Variants in OR2T6 observed in about 807,000 individuals in gnomAD.
OR2T6 encodes the protein olfactory receptor family 2 subfamily T member 6, also known as olfactory receptor 2T6.
For missense variants in OR2T6, 424 were observed against 391.6 expected, an observed-to-expected ratio of 1.08 and a Z score of -0.70; for synonymous variants, 174 against 148.0, an observed-to-expected ratio of 1.18 and a Z score of -1.27.
At chr1:248,378,976 C>T (rs1660987434) in intron 1 of OR2T6, among the ~76,000 whole-genome samples, 1 of 152,036 alleles carries the variant, frequency 6.6e-6, no homozygotes, top group South Asian at 2.1e-4. Context: ...AGTTCAAGAC[C>T]AGCCTGGACA....
chr1:248,388,582 C>T lies in OR2T6; in HGVS notation c.*47C>T, dbSNP rs28404805. 25,549 of 1,433,184 alleles carry T rather than the reference C, an allele frequency of 0.018. 1,251 individuals are homozygous for T. In the African/African-American group the frequency reaches 0.18, roughly 10 times the overall value. The allele number at this position is 1,433,184 out of a possible 1,614,324, so 88.8% of individuals were successfully genotyped here. A position where few individuals can be genotyped will look rare whatever the true frequency, so the allele number is the denominator to read the frequency against. ...AAAGAATTCTGATGGTCTAAAACCTCCACATCCTGTTCAGGCATATATGGG... is the reference window on the plus strand; with the variant it reads ...AAAGAATTCTGATGGTCTAAAACCTTCACATCCTGTTCAGGCATATATGGG... On this transcript the variant is annotated 3_prime_UTR_variant, in exon 3 of 3. Transcript: ENST00000641644.
intron 2 of OR2T6, among the ~76,000 whole-genome samples, chr1:248,386,582 C>A (rs1346536971): frequency 6.6e-6 from 1 of 152,216 alleles, no homozygotes; most frequent in African/African-American, 2.4e-5. Flanking sequence ...TTACATGTTA[C>A]AAACTGCAAC....
chr1:248,386,735 C>A, intron 2 of OR2T6, among the ~76,000 whole-genome samples: 1 of 152,180 alleles, frequency 6.6e-6, no homozygotes, highest in East Asian at 1.9e-4. Flanking sequence ...CTGACTATCC[C>A]AAACTCCTTT....
At chr1:248,385,997 C>T (rs977880759) in intron 2 of OR2T6, among the ~76,000 whole-genome samples, 7 of 152,142 alleles carry the variant, frequency 4.6e-5, no homozygotes, top group Non-Finnish European at 8.8e-5. Flanking sequence ...CATTAGGGCA[C>T]ATTGCAAATG....
intron 1 of OR2T6, among the ~76,000 whole-genome samples, chr1:248,379,182 A>C (rs1002629520): frequency 1.3e-5 from 2 of 152,196 alleles, no homozygotes; most frequent in African/African-American, 4.8e-5. Context: ...CTCAAAAAGG[A>C]AAAGAAAAAG....
rs775018179 is a variant in OR2T6 at position 248,389,724 on chromosome 1, A to G, written c.*1189A>G. 3 of 152,272 alleles carry G rather than the reference A, an allele frequency of 2.0e-5. No individual in the cohort carries two copies. The highest frequency in any genetic ancestry group is 2.9e-5 in the Non-Finnish European group (2 of 68,050). 9.4% of individuals were successfully genotyped at this position (152,272 alleles called of 1,614,324 possible). ...CTCAAGCCACTCCACAAGTCAGTCA[A>G]TATTGCAAACCATACATAATAGTAT... On this transcript the variant is annotated 3_prime_UTR_variant, in exon 3 of 3. Transcript: ENST00000641644.
At position 248,387,668 on chromosome 1, in the gene OR2T6, C is replaced by G. The variant is rs140922495; in HGVS notation, c.60C>G (p.His20Gln). 2.8e-4 allele frequency: 455 copies of G among 1,613,418 alleles called. 1 individual carries two copies. The highest frequency in any genetic ancestry group is 9.9e-4 in the Middle Eastern group (6 of 6,058). The change falls in exon 3 of 3, where the codon CAC becomes CAG. Residue 20 changes from histidine (H) to glutamine (Q), a missense_variant. His to Gln is a conservative substitution (Grantham distance 24). Transcript: ENST00000641644. ...TTACCCTCATGGGGCTCTTCACTCA[C>G]AATAAATGCTCAGGATTCTTTTTCG... ...RGFTLMGLFT[H>Q]NKCSGFFFGV...
chr1:248,378,881 T>C (rs758828245), intron 1 of OR2T6, among the ~76,000 whole-genome samples: 10 of 152,054 alleles, frequency 6.6e-5, no homozygotes, highest in Non-Finnish European at 1.3e-4. Flanking sequence ...TATATAGAAA[T>C]TTTTTTTGTG....
chr1:248,377,597 G>A (rs535998259), intron 1 of OR2T6, among the ~76,000 whole-genome samples: 9 of 152,348 alleles, frequency 5.9e-5, no homozygotes, highest in South Asian at 2.1e-4. Context: ...GTCAGAGCGC[G>A]TCACAGAAAG....
At chr1:248,381,446 A>G (rs1160112810) in intron 1 of OR2T6, among the ~76,000 whole-genome samples, 1 of 152,108 alleles carries the variant, frequency 6.6e-6, no homozygotes. Context: ...AAAAATGTCT[A>G]GTGAATACTG....
In OR2T6 at chr1:248,388,295, A is replaced by G. The variant is rs1210498839; in HGVS notation, c.687A>G (p.Thr229=). 1.5e-5 allele frequency: 25 copies of G among 1,613,704 alleles called. No individual in the cohort carries two copies. The highest frequency in any genetic ancestry group is 2.7e-5 in the African/African-American group (2 of 74,834). Residue 229 remains threonine (T), a synonymous_variant, in exon 3 of 3, where the codon ACA becomes ACG. Coordinates refer to ENST00000641644, the MANE Select transcript of OR2T6 (RefSeq NM_001005471.2). ...TTCTCATCACAGTGCATCAGATGAC[A>G]TCGGCTGAAGGGAGGAAGAAGGCCT... The part of the protein sequence containing the change: ...TRILITVHQM[T]SAEGRKKAFA...
At chr1:248,380,563 A>T (rs566689979) in intron 1 of OR2T6, among the ~76,000 whole-genome samples, 5 of 152,064 alleles carry the variant, frequency 3.3e-5, no homozygotes, top group Admixed American at 2.6e-4. Flanking sequence ...TTAACATCAC[A>T]TATTTTTTCT....
Position 248,388,556 on chromosome 1 carries a change from G to A in OR2T6, c.*21G>A, listed in dbSNP as rs2103072980. The A allele has an allele frequency of 1.3e-6, 2 of 1,527,148 alleles. No homozygotes were observed. The highest frequency in any genetic ancestry group is 1.8e-6 in the Non-Finnish European group (2 of 1,136,360). The allele number at this position is 1,527,148 out of a possible 1,614,324, so 94.6% of individuals were successfully genotyped here. Reference sequence around the variant, plus strand: ...GTTAGGGGACATGTGGTGTGATGAGGAAAGAATTCTGATGGTCTAAAACCT... The same window carrying A: ...GTTAGGGGACATGTGGTGTGATGAGAAAAGAATTCTGATGGTCTAAAACCT... On this transcript the variant is annotated 3_prime_UTR_variant, in exon 3 of 3. Transcript: ENST00000641644.
chr1:248,380,613 G>C (rs1661013904), intron 1 of OR2T6, among the ~76,000 whole-genome samples: 1 of 151,296 alleles, frequency 6.6e-6, no homozygotes, highest in Admixed American at 6.6e-5. Context: ...ATTTTGTCTG[G>C]ATACATCTTT....
chr1:248,377,681 A>G (rs1660958729), intron 1 of OR2T6, among the ~76,000 whole-genome samples: 1 of 152,234 alleles, frequency 6.6e-6, no homozygotes, highest in Non-Finnish European at 1.5e-5. Flanking sequence ...CATGAAATAC[A>G]AAGTTCATAG....
At position 248,388,244 on chromosome 1, in the gene OR2T6, G is replaced by C. The variant is rs149727464; in HGVS notation, c.636G>C (p.Ser212=). The part of the protein sequence containing the change: ...CCVAMLLIPF[S]VVTASYTRIL... ...TTGCAATGCTGCTGATCCCCTTCTC[G>C]GTGGTGACTGCATCCTACACCAGGA... The change falls in exon 3 of 3, where the codon TCG becomes TCC. Residue 212 remains serine (S), a synonymous_variant. Coordinates refer to ENST00000641644, the MANE Select transcript of OR2T6 (RefSeq NM_001005471.2). 1 of 1,613,904 alleles carries C rather than the reference G, an allele frequency of 6.2e-7. No homozygotes were observed. The highest frequency in any genetic ancestry group is 2.2e-5 in the East Asian group (1 of 44,848).
intron 1 of OR2T6, among the ~76,000 whole-genome samples, chr1:248,382,020 G>A (rs1196642426): frequency 1.3e-5 from 2 of 152,168 alleles, no homozygotes. Context: ...TTTGAAACTT[G>A]GGCCCTTTCT....
chr1:248,380,887 C>G (rs538344400), intron 1 of OR2T6, among the ~76,000 whole-genome samples: 25 of 151,134 alleles, frequency 1.7e-4, no homozygotes, highest in South Asian at 1.0e-3. Context: ...TCTCTTTGTT[C>G]CATTTATAAT....
Position 248,389,131 on chromosome 1 carries a change from T to G in OR2T6, c.*596T>G, listed in dbSNP as rs1189799230. 1 of 152,290 alleles carries G rather than the reference T, an allele frequency of 6.6e-6. No homozygotes were observed. Among genetic ancestry groups the G allele is most frequent in the African/African-American group, 2.4e-5 (1 of 41,464 alleles). The allele number at this position is 152,290 out of a possible 1,614,324, so 9.4% of individuals were successfully genotyped here. A position where few individuals can be genotyped will look rare whatever the true frequency, so the allele number is the denominator to read the frequency against. ...CTAAAAAAAAATGAATCATGTGTTT[T>G]GTAGAAATGCCAAGACTAAATCTTT... is the stretch of plus-strand genomic sequence containing the variant. On this transcript the variant is annotated 3_prime_UTR_variant, in exon 3 of 3. Coordinates refer to ENST00000641644, the MANE Select transcript of OR2T6 (RefSeq NM_001005471.2).
Sources: gnomAD v4.1 joint callset for allele counts (sites outside exome capture counted in the v4.1 genomes callset) on GRCh38, gnomAD v4.1.1 for gene constraint, MANE v1.5 for transcripts, NCBI Gene and HGNC (gene_info 2026-07-23, HGNC 2026-07-21) for gene names.